BOK: variants seen among roughly 807,000 people sequenced by gnomAD.
BOK encodes the protein BCL2 family apoptosis regulator BOK.
Under a neutral mutation model 18.3 loss-of-function variants are expected in BOK, and 20 were observed. The observed-to-expected ratio is 1.09, with a 90% CI of 0.77 to 1.59. The LOEUF is 1.59. Among genes scored for constraint, BOK ranks in the 40% most tolerant of loss-of-function variants. BOK has a pLI of 0.00. For synonymous variants in BOK, 173 were observed against 142.4 expected, an observed-to-expected ratio of 1.21 and a Z score of -1.53; for missense variants, 348 against 307.9, an observed-to-expected ratio of 1.13 and a Z score of -0.97.
intron 2 of BOK, among the ~76,000 whole-genome samples, chr2:241,560,976 G>T (rs975672595): frequency 6.6e-6 from 1 of 152,194 alleles, no homozygotes; most frequent in African/African-American, 2.4e-5. Flanking sequence ...AGAAGCCCGG[G>T]TTGTGTCCCC....
chr2:241,565,894 G>T (rs956804395), intron 3 of BOK, among the ~76,000 whole-genome samples: 3 of 152,072 alleles, frequency 2.0e-5, no homozygotes, highest in Non-Finnish European at 4.4e-5. Flanking sequence ...TTAAAAGTTG[G>T]CAATAGTGTT....
intron 1 of BOK, among the ~76,000 whole-genome samples, chr2:241,553,704 C>T (rs2066430625): frequency 6.6e-6 from 1 of 152,208 alleles, no homozygotes; most frequent in African/African-American, 2.4e-5. Flanking sequence ...ATCCAATCAT[C>T]TCCCACCAGG....
chr2:241,555,247 G>T (rs1305367490), upstream of BOK, among the ~76,000 whole-genome samples: 2 of 152,150 alleles, frequency 1.3e-5, no homozygotes, highest in African/African-American at 4.8e-5. Flanking sequence ...TGAGTGCAGT[G>T]GCTATTCACA....
intron 4 of BOK, among the ~76,000 whole-genome samples, chr2:241,571,673 T>C (rs576005114): frequency 2.6e-5 from 4 of 152,326 alleles, no homozygotes; most frequent in Admixed American, 1.3e-4. Flanking sequence ...GACGACACTT[T>C]GAGCAACGCC....
chr2:241,558,422 T>C (rs562691509), upstream of BOK, among the ~76,000 whole-genome samples: 9 of 152,344 alleles, frequency 5.9e-5, no homozygotes, highest in South Asian at 1.9e-3. Context: ...ATAACTTCAA[T>C]AAATGCGAAT....
Position 241,572,545 on chromosome 2 carries a change from C to G in BOK, c.*123C>G. The G allele has an allele frequency of 6.4e-6, 9 of 1,416,438 alleles. No individual in the cohort carries two copies. The highest frequency in any genetic ancestry group is 2.8e-6 in the Non-Finnish European group (3 of 1,061,546). The allele number at this position is 1,416,438 out of a possible 1,614,324, so 87.7% of individuals were successfully genotyped here. A position where few individuals can be genotyped will look rare whatever the true frequency, so the allele number is the denominator to read the frequency against. Reference sequence around the variant, plus strand: ...GAGCACTCTAACCCTCGGAGACCCCCTAAGCCCCGTTCCTCCGCAGACCCA... The same window carrying G: ...GAGCACTCTAACCCTCGGAGACCCCGTAAGCCCCGTTCCTCCGCAGACCCA... On this transcript the variant is annotated 3_prime_UTR_variant, in exon 5 of 5. Coordinates refer to ENST00000318407, the MANE Select transcript of BOK (RefSeq NM_032515.5).
rs562672173 is a variant in BOK at position 241,560,107 on chromosome 2, C to T, written c.220+404C>T. 10 of 985,388 alleles carry T rather than the reference C, an allele frequency of 1.0e-5. No individual in the cohort carries two copies. In the African/African-American group the frequency reaches 1.6e-4, roughly 15 times the overall value. The allele number at this position is 985,388 out of a possible 1,614,324, so 61.0% of individuals were successfully genotyped here. A position where few individuals can be genotyped will look rare whatever the true frequency, so the allele number is the denominator to read the frequency against. On this transcript the variant is annotated intron_variant, in intron 2 of 4. Transcript: ENST00000318407. The stretch of plus-strand genomic sequence containing the variant: ...TACTGGCCGAGATCCCGCCCGCTGC[C>T]CTCTGGATTCCGAGGCCTCCGAGGC...
chr2:241,559,585 G>C lies in BOK; in HGVS notation c.102G>C (p.Leu34=). 2 of 1,513,140 alleles carry C rather than the reference G, an allele frequency of 1.3e-6. No individual in the cohort carries two copies. Among genetic ancestry groups the C allele is most frequent in the Non-Finnish European group, 1.8e-6 (2 of 1,139,226 alleles). 93.7% of individuals were successfully genotyped at this position (1,513,140 alleles called of 1,614,324 possible). The change falls in exon 2 of 5, where the codon CTG becomes CTC. Residue 34 remains leucine (L), a synonymous_variant. Transcript: ENST00000318407. ...AGCTGGTGGCCCAGGCCAAGGCGCT[G>C]GGCCGGGAGTACGTGCACGCGCGGC... ...DKELVAQAKA[L]GREYVHARLL...
chr2:241,562,441 C>T lies in BOK; in HGVS notation c.314C>T (p.Ala105Val), dbSNP rs750227285. 36 of 1,611,826 alleles carry T rather than the reference C, an allele frequency of 2.2e-5. No homozygotes were observed. Among genetic ancestry groups the T allele is most frequent in the Non-Finnish European group, 2.5e-5 (29 of 1,179,794 alleles). ...CAGTCTGAGCCTGTGGTGACCGATG[C>T]GTTCCTGGCCGTGGCTGGCCACATC... ...SLQSEPVVTD[A>V]FLAVAGHIFS... The change falls in exon 3 of 5, where the codon GCG becomes GTG. Residue 105 changes from alanine to valine, a missense_variant. Coordinates refer to ENST00000318407, the MANE Select transcript of BOK (RefSeq NM_032515.5). The surrounding 1 kb of genome is among the most constrained non-coding windows in gnomAD (Gnocchi z 4.5).
At chr2:241,565,640 A>C (rs913783176) in intron 3 of BOK, among the ~76,000 whole-genome samples, 3 of 152,082 alleles carry the variant, frequency 2.0e-5, no homozygotes, top group Non-Finnish European at 2.9e-5. Flanking sequence ...CAGCCCCTCC[A>C]CTGCAGGCAA....
At chr2:241,560,644 T>C (rs572209144) in intron 2 of BOK, among the ~76,000 whole-genome samples, 22 of 151,968 alleles carry the variant, frequency 1.4e-4, no homozygotes, top group African/African-American at 5.3e-4. Flanking sequence ...GCACAGAGCC[T>C]CCAGGAGGAG....
At chr2:241,565,497 C>T (rs1250978062) in intron 3 of BOK, among the ~76,000 whole-genome samples, 1 of 152,200 alleles carries the variant, frequency 6.6e-6, no homozygotes, top group East Asian at 1.9e-4. Context: ...AGCCTCCAGC[C>T]TCCAAGTGCT....
At chr2:241,556,997 A>G (rs2066457588), upstream of BOK, among the ~76,000 whole-genome samples, 1 of 152,188 alleles carries the variant, frequency 6.6e-6, no homozygotes, top group South Asian at 2.1e-4. Context: ...TTTCAAATGC[A>G]CTGTCAAAAA....
At chr2:241,572,159 C>T (rs2066734351) in intron 4 of BOK, 138 bp from the exon 5 acceptor site, 8 of 1,355,320 alleles carry the variant, frequency 5.9e-6, no homozygotes, top group African/African-American at 1.5e-5. Flanking sequence ...GGCCACAGAC[C>T]TCCTTCCCGA....
At chr2:241,563,704 C>G (rs2066567013) in intron 3 of BOK, among the ~76,000 whole-genome samples, 2 of 152,202 alleles carry the variant, frequency 1.3e-5, no homozygotes, top group Non-Finnish European at 2.9e-5. Context: ...TCTCTGTGGC[C>G]TCAGCTGCCT....
intron 4 of BOK, among the ~76,000 whole-genome samples, chr2:241,571,000 G>T (rs1279995826): frequency 1.3e-5 from 2 of 149,836 alleles, no homozygotes; most frequent in African/African-American, 5.0e-5. Flanking sequence ...CGCCTGTGGG[G>T]GTGGGAGAGC....
chr2:241,572,246 G>T (rs1192570244), intron 4 of BOK, 51 bp from the exon 5 acceptor site: 2 of 1,594,242 alleles, frequency 1.3e-6, no homozygotes, highest in Non-Finnish European at 1.7e-6. Context: ...CGGTGCTGGG[G>T]GCCTGGCGGT....
intron 1 of BOK, among the ~76,000 whole-genome samples, chr2:241,552,635 C>G (rs1015542861): frequency 5.3e-5 from 8 of 152,252 alleles, no homozygotes; most frequent in Non-Finnish European, 1.2e-4. Flanking sequence ...GTCTTTTTCC[C>G]TGCAAGTATG....
chr2:241,560,931 C>T (rs2066518169), intron 2 of BOK, among the ~76,000 whole-genome samples: 1 of 152,216 alleles, frequency 6.6e-6, no homozygotes. Flanking sequence ...TTGAGGCCAG[C>T]GCTGTCTCCC....
Sources: allele counts gnomAD v4.1 joint callset (sites outside exome capture counted in the v4.1 genomes callset), GRCh38; gene constraint gnomAD v4.1.1; non-coding constraint Gnocchi (gnomAD v3.1); transcripts MANE v1.5; gene names NCBI Gene and HGNC (gene_info 2026-07-23, HGNC 2026-07-21).